SPO11: variants seen among roughly 807,000 people sequenced by gnomAD.
SPO11 encodes SPO11 initiator of meiotic double strand breaks.
SPO11 carries 49 observed loss-of-function variants against 51.6 expected under a neutral mutation model. The ratio of observed to expected loss-of-function variants is 0.95; its 90% confidence interval spans 0.75 to 1.20. The LOEUF (loss-of-function observed/expected upper bound fraction) is 1.20. Among genes scored for constraint, SPO11 ranks in the 50% most tolerant of loss-of-function variants. The pLI is 0.00. For missense variants in SPO11, 431 were observed against 473.4 expected (o/e 0.91, Z 0.83); for synonymous variants, 176 against 158.2 (o/e 1.11, Z -0.84).
chr20:57,332,636 AT>A (rs896318082), intron 2 of SPO11, among the ~76,000 whole-genome samples: 1 of 152,138 alleles, frequency 6.6e-6, no homozygotes, highest in Non-Finnish European at 1.5e-5. Flanking sequence ...TGAAAGATGG[AT>A]TTTATCTAGC....
At chr20:57,337,944 A>G (rs1024097857) in intron 8 of SPO11, among the ~76,000 whole-genome samples, 1 of 152,108 alleles carries the variant, frequency 6.6e-6, no homozygotes, top group Non-Finnish European at 1.5e-5. Flanking sequence ...CTGGAGTGCA[A>G]TGGCGTGATT....
rs775667706 is a variant in SPO11, at chr20:57,340,138, G to T, written c.919G>T (p.Ala307Ser). The T allele has an allele frequency of 6.2e-7, 1 of 1,612,816 alleles. No individual in the cohort carries two copies. The highest frequency in any genetic ancestry group is 2.2e-5 in the East Asian group (1 of 44,858). ...SFEAHHLTVP[A>S]IRWLGLLPSD... ...TGAAGCTCATCATCTCACAGTTCCA[G>T]CTATTAGATGGCTTGGTCTTCTCCC... The change falls in exon 11 of 13, where the codon GCT (alanine) becomes TCT (serine). Residue 307 changes from alanine to serine, a missense_variant. Physicochemically the swap from Ala to Ser is moderately conservative, Grantham distance 99. Coordinates refer to ENST00000371263, the MANE Select transcript of SPO11 (RefSeq NM_012444.3).
chr20:57,343,333 A>T lies in SPO11; in HGVS notation c.1072-8A>T. 3 of 1,605,356 alleles carry T rather than the reference A, an allele frequency of 1.9e-6. No individual in the cohort carries two copies. Among genetic ancestry groups the T allele is most frequent in the Non-Finnish European group, 8.5e-7 (1 of 1,177,530 alleles). ...TCTGGTATGAGTACATTTTACTTTT[A>T]TTGACAGATGGAAATAATGGCAGAC... On this transcript the variant is annotated splice_region_variant and splice_polypyrimidine_tract_variant and intron_variant, in intron 12 of 12. Transcript: ENST00000371263.
intron 12 of SPO11, 105 bp from the exon 13 acceptor site, chr20:57,343,236 G>GTC (rs2066605361): frequency 2.2e-6 from 3 of 1,357,768 alleles, no homozygotes; most frequent in Non-Finnish European, 3.1e-6. Context: ...TAAGACTATT[G>GTC]TCCCTGGTTT....
chr20:57,343,157 C>G (rs2066604164), intron 12 of SPO11, among the ~76,000 whole-genome samples, 184 bp from the exon 13 acceptor site: 1 of 152,126 alleles, frequency 6.6e-6, no homozygotes, highest in South Asian at 2.1e-4. Flanking sequence ...TTATTGAAGA[C>G]AGCATACAGA....
At chr20:57,340,734 T>A (rs1446073290) in intron 11 of SPO11, among the ~76,000 whole-genome samples, 1 of 151,658 alleles carries the variant, frequency 6.6e-6, no homozygotes, top group Non-Finnish European at 1.5e-5. Context: ...ACCACTGCAC[T>A]CCAGCCTGGG....
At chr20:57,339,952 T>C in intron 10 of SPO11, 150 bp from the exon 11 acceptor site, 1 of 616,440 alleles carries the variant, frequency 1.6e-6, no homozygotes, top group Non-Finnish European at 2.9e-6. Flanking sequence ...GCATAGCCCC[T>C]GATGGTTTTC....
intron 8 of SPO11, among the ~76,000 whole-genome samples, chr20:57,337,246 T>C (rs1388088311): frequency 6.6e-6 from 1 of 152,244 alleles, no homozygotes; most frequent in Non-Finnish European, 1.5e-5. Flanking sequence ...TGTAACACTC[T>C]TCAATTTACT....
At chr20:57,340,264 A>G in intron 11 of SPO11, 86 bp downstream of exon 11, 1 of 797,472 alleles carries the variant, frequency 1.3e-6, no homozygotes, top group Non-Finnish European at 2.1e-6. Context: ...ACTACAAGGG[A>G]AAGCTCTTAA....
At position 57,339,026 on chromosome 20, in the gene SPO11, G is replaced by A; in HGVS notation, c.882G>A (p.Met294Ile). 1.4e-6 allele frequency: 2 copies of A among 1,466,792 alleles called. No individual in the cohort carries two copies. The highest frequency in any genetic ancestry group is 1.4e-5 in the African/African-American group (1 of 69,552). 90.9% of individuals were successfully genotyped at this position (1,466,792 alleles called of 1,614,324 possible). A position where few individuals can be genotyped will look rare whatever the true frequency, so the allele number is the denominator to read the frequency against. Residue 294 changes from methionine to isoleucine, a missense_variant and splice_region_variant, in exon 10 of 13, where the codon ATG becomes ATA. This residue lies in a region of SPO11 where 405 missense variants were observed against 425.9 expected (regional missense o/e 0.95). Coordinates refer to ENST00000371263, the MANE Select transcript of SPO11 (RefSeq NM_012444.3). Reference sequence around the variant, plus strand: ...TGTGCATCTATAAGTATGGATCTATGGTAAGTATAGAAAAGCAGTTTTCCT... The same window carrying A: ...TGTGCATCTATAAGTATGGATCTATAGTAAGTATAGAAAAGCAGTTTTCCT... ...EIMCIYKYGS[M>I]SMSFEAHHLT...
intron 1 of SPO11, 102 bp downstream of exon 1, chr20:57,330,100 C>A (rs28368065): frequency 2.1e-6 from 3 of 1,413,846 alleles, no homozygotes; most frequent in African/African-American, 1.4e-5. Context: ...TGAGGAGGCA[C>A]CCCTTGGCGG....
intron 2 of SPO11, among the ~76,000 whole-genome samples, chr20:57,332,929 C>G (rs1198078901): frequency 1.3e-5 from 2 of 152,170 alleles, no homozygotes; most frequent in African/African-American, 4.8e-5. Flanking sequence ...CAAACACACT[C>G]CCACACCCCC....
chr20:57,337,803 G>C (rs2066531188), intron 8 of SPO11: 1 of 1,297,256 alleles, frequency 7.7e-7, no homozygotes, highest in Admixed American at 2.2e-5. Context: ...TTTTGGTGCT[G>C]TGACTCAGAT....
chr20:57,338,476 CCTGCT>C, intron 9 of SPO11, 101 bp downstream of exon 9: 1 of 843,986 alleles, frequency 1.2e-6, no homozygotes, highest in Non-Finnish European at 1.8e-6. Flanking sequence ...GAGATTGAGT[CCTGCT>C]CTGTCACCCA....
intron 6 of SPO11, 133 bp from the exon 7 acceptor site, chr20:57,335,285 AC>A: frequency 1.4e-6 from 1 of 709,612 alleles, no homozygotes; most frequent in Non-Finnish European, 2.3e-6. Flanking sequence ...GCTGTTTTCT[AC>A]TATTTTTTAA....
chr20:57,335,909 T>C lies in SPO11; in HGVS notation c.744+2T>C. 3.9e-6 allele frequency: 6 copies of C among 1,550,246 alleles called. No individual in the cohort carries two copies. The East Asian group carries it at 9.0e-5, about 23-fold the overall frequency. On this transcript the variant is annotated splice_donor_variant, in intron 8 of 12. Coordinates refer to ENST00000371263, the MANE Select transcript of SPO11 (RefSeq NM_012444.3). LOFTEE classifies it high-confidence loss of function. ...TTGTCTCCTTGCATCATGATTACGG[T>C]ATATTATCTAACTTTACTACAATTC... is the stretch of plus-strand genomic sequence containing the variant.
At chr20:57,337,230 CATT>C (rs752608730) in intron 8 of SPO11, among the ~76,000 whole-genome samples, 1 of 152,210 alleles carries the variant, frequency 6.6e-6, no homozygotes, top group Admixed American at 6.5e-5. Flanking sequence ...TTTTCTCTAA[CATT>C]GTTGTAACAC....
At chr20:57,330,627 GT>G (rs1362232177) in intron 1 of SPO11, among the ~76,000 whole-genome samples, 1 of 152,100 alleles carries the variant, frequency 6.6e-6, no homozygotes, top group Non-Finnish European at 1.5e-5. Flanking sequence ...ACATGACTAC[GT>G]TATTGACCAT....
At chr20:57,335,485 C>T (rs1420570751) in intron 7 of SPO11, 30 bp downstream of exon 7, 8 of 1,597,320 alleles carry the variant, frequency 5.0e-6, no homozygotes, top group African/African-American at 2.7e-5. Flanking sequence ...ACTATTTAAA[C>T]TTTTGGAATG....
Sources: allele counts gnomAD v4.1 joint callset (sites outside exome capture counted in the v4.1 genomes callset), GRCh38; gene constraint gnomAD v4.1.1; regional missense constraint gnomAD v4.1.1; transcripts MANE v1.5; gene names NCBI Gene and HGNC (gene_info 2026-07-23, HGNC 2026-07-21).